The following CMIP variants were observed in gnomAD, a reference collection of about 807,000 sequenced individuals.
CMIP encodes the protein C-Maf-inducing protein.
In CMIP, 13 loss-of-function variants were observed where a neutral mutation model predicts 97.3. That is an observed-to-expected ratio of 0.13 (90% CI 0.09 to 0.21). The LOEUF (loss-of-function observed/expected upper bound fraction) is 0.21, where lower values mean the gene tolerates loss of function less well. Ranked by LOEUF, CMIP falls within the 10% of genes least tolerant of loss-of-function variation. CMIP has a pLI of 1.00. For synonymous variants in CMIP, 538 were observed against 436.3 expected, an observed-to-expected ratio of 1.23 and a Z score of -2.91; for missense variants, 847 against 1,024.9, an observed-to-expected ratio of 0.83 and a Z score of 2.37.
At chr16:81,459,020 ATCACTG>A (rs200528004) in intron 1 of CMIP, among the ~76,000 whole-genome samples, 10 of 133,660 alleles carry the variant, frequency 7.5e-5, no homozygotes, top group Admixed American at 2.2e-4. Flanking sequence ...CACCGTCACC[ATCACTG>A]TCACCATCAC....
chr16:81,645,277 C>A (rs112861156), intron 3 of CMIP: 2 of 899,816 alleles, frequency 2.2e-6, no homozygotes, highest in African/African-American at 3.4e-5. Context: ...GTGGGGTCCT[C>A]CTCCACTCTG....
intron 1 of CMIP, among the ~76,000 whole-genome samples, chr16:81,557,275 T>C (rs557681034): frequency 1.3e-5 from 2 of 152,222 alleles, no homozygotes; most frequent in African/African-American, 4.8e-5. Context: ...GCCAAATGCA[T>C]GTTGGTTGAA....
intron 1 of CMIP, among the ~76,000 whole-genome samples, chr16:81,522,171 C>T (rs920196476): frequency 6.6e-6 from 1 of 152,196 alleles, no homozygotes; most frequent in South Asian, 2.1e-4. Context: ...CCCAGTGTGG[C>T]AACACCGATT....
intron 1 of CMIP, among the ~76,000 whole-genome samples, chr16:81,495,044 G>T (rs1210984780): frequency 3.3e-5 from 5 of 152,172 alleles, no homozygotes; most frequent in South Asian, 2.1e-4. Context: ...TACACTTGGG[G>T]ACTGTAAGGC....
At chr16:81,508,566 A>G (rs982778505) in intron 1 of CMIP, among the ~76,000 whole-genome samples, 2 of 152,196 alleles carry the variant, frequency 1.3e-5, no homozygotes, top group South Asian at 2.1e-4. Context: ...GTGATTATCC[A>G]TGTATATATA....
chr16:81,565,824 G>T (rs1045941484), intron 1 of CMIP, among the ~76,000 whole-genome samples: 2 of 152,166 alleles, frequency 1.3e-5, no homozygotes, highest in African/African-American at 4.8e-5. Context: ...GCACGGCGCC[G>T]CCTCCTTCAG....
intron 1 of CMIP, among the ~76,000 whole-genome samples, chr16:81,556,550 T>G (rs1303525473): frequency 6.6e-6 from 1 of 152,164 alleles, no homozygotes; most frequent in African/African-American, 2.4e-5. Flanking sequence ...CATGAGGCAG[T>G]GTCTCCAGAG....
At chr16:81,541,345 T>C (rs1464298997) in intron 1 of CMIP, among the ~76,000 whole-genome samples, 1 of 152,230 alleles carries the variant, frequency 6.6e-6, no homozygotes, top group Non-Finnish European at 1.5e-5. Context: ...TCAGTGAGTC[T>C]TTTTGGAGAT....
intron 13 of CMIP, among the ~76,000 whole-genome samples, chr16:81,694,415 G>C (rs986625464): frequency 6.6e-6 from 1 of 152,196 alleles, no homozygotes; most frequent in Non-Finnish European, 1.5e-5. Flanking sequence ...GGAGAAGGTG[G>C]TACTGAACTG....
chr16:81,705,012 T>C (rs1196001088), intron 18 of CMIP, among the ~76,000 whole-genome samples: 1 of 152,084 alleles, frequency 6.6e-6, no homozygotes, highest in Non-Finnish European at 1.5e-5. Flanking sequence ...GAGTCCCAGC[T>C]CAGTGTGAAC....
At chr16:81,601,752 C>T (rs919369427) in intron 1 of CMIP, among the ~76,000 whole-genome samples, 4 of 152,156 alleles carry the variant, frequency 2.6e-5, no homozygotes, top group African/African-American at 9.7e-5. Flanking sequence ...CCCCCGGGGC[C>T]AGAACCCCAG....
At chr16:81,581,901 C>G (rs769183367) in intron 1 of CMIP, among the ~76,000 whole-genome samples, 1 of 152,126 alleles carries the variant, frequency 6.6e-6, no homozygotes, top group East Asian at 1.9e-4. Context: ...AAAGAAATAC[C>G]TGAGACTGGG....
chr16:81,459,020 A>G (rs1463494500), intron 1 of CMIP, among the ~76,000 whole-genome samples: 8 of 133,664 alleles, frequency 6.0e-5, no homozygotes, highest in African/African-American at 1.8e-4. Flanking sequence ...CACCGTCACC[A>G]TCACTGTCAC....
chr16:81,636,536 G>A (rs1423587040), intron 3 of CMIP, among the ~76,000 whole-genome samples: 9 of 148,670 alleles, frequency 6.1e-5, no homozygotes, highest in African/African-American at 2.0e-4. Context: ...AGCCAAGATT[G>A]CGCCACTGCA....
rs2091923516 is a variant in CMIP, at chr16:81,616,708, G to A, written c.427-4168G>A. 6.6e-6 allele frequency among the ~76,000 whole-genome samples: 1 copy of A among 152,226 alleles called. No homozygotes were observed. Among genetic ancestry groups the A allele is most frequent in the African/African-American group, 2.4e-5 (1 of 41,456 alleles). ...AAGCCAAGTGTGGCTGGGGAAGGGG[G>A]TCACACCCTCCTATGGGAGGAAAGG... is the stretch of plus-strand genomic sequence containing the variant. On this transcript the variant is annotated intron_variant, in intron 2 of 20. Coordinates refer to ENST00000537098, the MANE Select transcript of CMIP (RefSeq NM_198390.3). This position sits in a 1 kb window ranked among gnomAD's most constrained non-coding sequence, Gnocchi z 4.7.
chr16:81,585,761 G>A (rs2091371725), intron 1 of CMIP, among the ~76,000 whole-genome samples: 1 of 152,132 alleles, frequency 6.6e-6, no homozygotes, highest in Admixed American at 6.5e-5. Context: ...AACCCCACCT[G>A]TCCTGACCCT....
chr16:81,654,875 A>G lies in CMIP; in HGVS notation c.639+2511A>G, dbSNP rs115606975. Reference sequence around the variant, plus strand: ...GAGACTTTCTGGCAAGTATGTAACTATGGAGATGAAGAGTGAGAAACCGTG... The same window carrying G: ...GAGACTTTCTGGCAAGTATGTAACTGTGGAGATGAAGAGTGAGAAACCGTG... On this transcript the variant is annotated intron_variant, in intron 4 of 20. Coordinates refer to ENST00000537098, the MANE Select transcript of CMIP (RefSeq NM_198390.3). 7.1e-3 allele frequency among the ~76,000 whole-genome samples: 1,029 copies of G among 145,468 alleles called. 18 individuals are homozygous for G. The highest frequency in any genetic ancestry group is 0.026 in the African/African-American group (986 of 38,078).
chr16:81,469,457 G>A (rs1446891569), intron 1 of CMIP, among the ~76,000 whole-genome samples: 2 of 152,238 alleles, frequency 1.3e-5, no homozygotes, highest in Non-Finnish European at 2.9e-5. Flanking sequence ...TCTGGTGTTA[G>A]CCTTGTGTCT....
intron 1 of CMIP, among the ~76,000 whole-genome samples, chr16:81,556,060 T>C (rs1489911458): frequency 6.6e-6 from 1 of 152,226 alleles, no homozygotes; most frequent in African/African-American, 2.4e-5. Flanking sequence ...GAAGCCATTT[T>C]TTCCCTGGAA....
Sources: allele counts gnomAD v4.1 joint callset (sites outside exome capture counted in the v4.1 genomes callset), GRCh38; gene constraint gnomAD v4.1.1; non-coding constraint Gnocchi (gnomAD v3.1); transcripts MANE v1.5; gene names NCBI Gene and HGNC (gene_info 2026-07-23, HGNC 2026-07-21).